Variants in CLEC4F observed in about 807,000 individuals in gnomAD.
CLEC4F encodes the protein C-type lectin domain family 4 member F.
CLEC4F carries 45 observed loss-of-function variants against 53.4 expected under a neutral mutation model. The ratio of observed to expected loss-of-function variants is 0.84; its 90% confidence interval spans 0.66 to 1.08. The LOEUF (loss-of-function observed/expected upper bound fraction) is 1.08, where lower values mean the gene tolerates loss of function less well. Among genes scored for constraint, CLEC4F ranks in the 50% least tolerant of loss-of-function variants. CLEC4F has a pLI of 0.00. For missense variants in CLEC4F, 753 were observed against 698.2 expected, an observed-to-expected ratio of 1.08 and a Z score of -0.88; for synonymous variants, 245 against 257.5, an observed-to-expected ratio of 0.95 and a Z score of 0.46.
chr2:70,813,619 CTTT>C (rs1558612662), intron 4 of CLEC4F, among the ~76,000 whole-genome samples: 7 of 109,976 alleles, frequency 6.4e-5, no homozygotes, highest in African/African-American at 2.1e-4. Context: ...TTCTTTCTTT[CTTT>C]CTTTCTTTCT....
rs370818847 is a variant in CLEC4F, at chr2:70,816,676, C to T, written c.705G>A (p.Thr235=). Residue 235 remains threonine, a synonymous_variant, in exon 4 of 7, where the codon ACG becomes ACA. Transcript: ENST00000272367. Reference sequence around the variant, plus strand: ...TGGCTAACTGAGCCTGGGTATTTGCCGTTTCCAAACTGGCATTCAACATCT... The same window carrying T: ...TGGCTAACTGAGCCTGGGTATTTGCTGTTTCCAAACTGGCATTCAACATCT... ...EIQMLNASLE[T]ANTQAQLANS... 29 of 1,614,028 alleles carry T rather than the reference C, an allele frequency of 1.8e-5. No individual in the cohort carries two copies. The East Asian group carries it at 2.7e-4, about 15-fold the overall frequency.
upstream of CLEC4F, among the ~76,000 whole-genome samples, chr2:70,820,797 G>A (rs1677194330): frequency 6.6e-6 from 1 of 152,172 alleles, no homozygotes; most frequent in Admixed American, 6.5e-5. Flanking sequence ...CCCAGCCTCT[G>A]CCGCATCCAG....
chr2:70,813,039 G>C (rs1350525984), intron 4 of CLEC4F, among the ~76,000 whole-genome samples: 1 of 152,144 alleles, frequency 6.6e-6, no homozygotes, highest in Non-Finnish European at 1.5e-5. Flanking sequence ...GTCATCACCT[G>C]GTCTGCCTGG....
chr2:70,819,236 G>A (rs1677088476), intron 3 of CLEC4F, 119 bp downstream of exon 3: 1 of 743,506 alleles, frequency 1.3e-6, no homozygotes, highest in African/African-American at 1.7e-5. Flanking sequence ...ATCTCTTTCT[G>A]TGAGGATGGT....
At chr2:70,824,621 CCAAAAA>C (rs1226539316), upstream of CLEC4F, among the ~76,000 whole-genome samples, 21 of 38,252 alleles carry the variant, frequency 5.5e-4, no homozygotes, top group Admixed American at 2.6e-3. Flanking sequence ...TGCTTAGTTA[CCAAAAA>C]AAAAAAAAAA....
In CLEC4F at chr2:70,812,446, C is replaced by T. The variant is rs782028449; in HGVS notation, c.1539+1G>A. The T allele has an allele frequency of 1.2e-6, 2 of 1,613,810 alleles. No homozygotes were observed. The highest frequency in any genetic ancestry group is 2.2e-5 in the East Asian group (1 of 44,900). ...CAACACCCCATGCTCGCAGCTCTGA[C>T]CTGCTCCTCCTTGGAGGCCACAGAT... On this transcript the variant is annotated splice_donor_variant, in intron 5 of 6. Transcript: ENST00000272367. LOFTEE classifies it high-confidence loss of function.
chr2:70,821,375 T>C (rs1180336677), upstream of CLEC4F, among the ~76,000 whole-genome samples: 1 of 152,058 alleles, frequency 6.6e-6, no homozygotes, highest in East Asian at 1.9e-4. Context: ...AGACCAAACA[T>C]GGGATTAGAC....
chr2:70,812,790 C>T (rs1160484072), intron 4 of CLEC4F, among the ~76,000 whole-genome samples, 192 bp from the exon 5 acceptor site: 1 of 152,162 alleles, frequency 6.6e-6, no homozygotes, highest in Non-Finnish European at 1.5e-5. Context: ...AGGAAGCAGC[C>T]CTCAAGACGC....
chr2:70,823,428 TTC>T (rs1677275853), upstream of CLEC4F, among the ~76,000 whole-genome samples: 1 of 152,142 alleles, frequency 6.6e-6, no homozygotes, highest in Non-Finnish European at 1.5e-5. Context: ...TTGTCTTGGT[TTC>T]TGTTTCCCCA....
At chr2:70,810,240 A>G (rs782407761) in intron 5 of CLEC4F, among the ~76,000 whole-genome samples, 3 of 152,062 alleles carry the variant, frequency 2.0e-5, no homozygotes, top group Non-Finnish European at 4.4e-5. Context: ...ATTAACAGGC[A>G]TTATAAACAG....
At chr2:70,824,987 T>C (rs2863804), upstream of CLEC4F, among the ~76,000 whole-genome samples, 91,770 of 151,908 alleles carry the variant, frequency 0.6, 28,208 homozygotes, top group Middle Eastern at 0.7. Flanking sequence ...AAAAGAGTAA[T>C]TCTGGAGTCA....
chr2:70,813,838 G>A (rs1257412899), intron 4 of CLEC4F, among the ~76,000 whole-genome samples: 4 of 151,816 alleles, frequency 2.6e-5, no homozygotes, highest in East Asian at 1.9e-4. Context: ...CACCATGCCC[G>A]GATATTTTTT....
chr2:70,819,288 A>T, intron 3 of CLEC4F, 67 bp downstream of exon 3: 1 of 1,223,070 alleles, frequency 8.2e-7, no homozygotes, highest in African/African-American at 1.5e-5. Context: ...AGAGAAGCTC[A>T]TCCTAGGGTC....
chr2:70,821,843 A>G (rs1223734766), upstream of CLEC4F, among the ~76,000 whole-genome samples: 3 of 152,070 alleles, frequency 2.0e-5, no homozygotes, highest in Non-Finnish European at 1.5e-5. Context: ...CTCAGCCCCA[A>G]CATCCCAGCC....
At chr2:70,818,722 A>T (rs77206951) in intron 3 of CLEC4F, among the ~76,000 whole-genome samples, 55 of 151,636 alleles carry the variant, frequency 3.6e-4, no homozygotes, top group African/African-American at 1.1e-3. Context: ...AAACAAAAAC[A>T]AAAACTAAAA....
At chr2:70,815,183 G>A (rs1031952785) in intron 4 of CLEC4F, among the ~76,000 whole-genome samples, 1 of 152,160 alleles carries the variant, frequency 6.6e-6, no homozygotes, top group African/African-American at 2.4e-5. Flanking sequence ...AGAACTGCCT[G>A]AAGTTTCCAG....
At chr2:70,811,457 C>A (rs1184862866) in intron 5 of CLEC4F, 6 of 571,426 alleles carry the variant, frequency 1.0e-5, no homozygotes, top group Non-Finnish European at 2.1e-5. Flanking sequence ...GCACTGCCAT[C>A]CCCTCTGCCA....
At chr2:70,821,767 G>A (rs1677229045), upstream of CLEC4F, among the ~76,000 whole-genome samples, 1 of 152,164 alleles carries the variant, frequency 6.6e-6, no homozygotes, top group African/African-American at 2.4e-5. Context: ...CACTCAGGCT[G>A]GAGTGCAGTG....
chr2:70,820,614 G>C, upstream of CLEC4F: 1 of 1,284,894 alleles, frequency 7.8e-7, no homozygotes. Context: ...GCAAAGCTGA[G>C]ACACCCACAC....
Sources: allele counts gnomAD v4.1 joint callset (sites outside exome capture counted in the v4.1 genomes callset), GRCh38; gene constraint gnomAD v4.1.1; transcripts MANE v1.5; gene names NCBI Gene and HGNC (gene_info 2026-07-23, HGNC 2026-07-21).